Variants in MKI67 observed in about 807,000 individuals in gnomAD.
The protein encoded by MKI67 is marker of proliferation Ki-67, also known as proliferation marker protein Ki-67.
MKI67 carries 152 observed loss-of-function variants against 233.5 expected under a neutral mutation model. The ratio of observed to expected loss-of-function variants is 0.65; its 90% CI spans 0.57 to 0.74. The LOEUF (loss-of-function observed/expected upper bound fraction) is 0.74, where lower values mean the gene tolerates loss of function less well. Among genes scored for constraint, MKI67 ranks in the 30% least tolerant of loss-of-function variants. MKI67 has a pLI of 0.00. For synonymous variants in MKI67, 1,465 were observed against 1,418.5 expected (o/e 1.03, Z -0.74); for missense variants, 3,940 against 3,885.2 (o/e 1.01, Z -0.37).
At position 128,108,460 on chromosome 10, in the gene MKI67, A is replaced by T. The variant is rs2136137285; in HGVS notation, c.3380T>A (p.Ile1127Lys). ...TTCTGGTGGTGGAGATTTGCAGGCT[A>T]TTTTGGTAGTTTTCTCATCAGTCAT... ...ESMTDEKTTK[I>K]ACKSPPPESV... The change falls in exon 13 of 15, where the codon ATA becomes AAA. Residue 1127 changes from isoleucine (I) to lysine (K), a missense_variant. Ile to Lys is a moderately radical substitution (Grantham distance 102). Coordinates refer to ENST00000368654, the MANE Select transcript of MKI67 (RefSeq NM_002417.5). 1.2e-6 allele frequency: 2 copies of T among 1,613,464 alleles called. No homozygotes were observed. Among genetic ancestry groups the T allele is most frequent in the East Asian group, 4.5e-5 (2 of 44,830 alleles).
chr10:128,105,204 A>G lies in MKI67; in HGVS notation c.6636T>C (p.Thr2212=). 4 of 1,613,684 alleles carry G rather than the reference A, an allele frequency of 2.5e-6. No homozygotes were observed. Among genetic ancestry groups the G allele is most frequent in the Non-Finnish European group, 3.4e-6 (4 of 1,179,948 alleles). Residue 2212 remains threonine (T), a synonymous_variant, in exon 13 of 15, where the codon ACT becomes ACC. Coordinates refer to ENST00000368654, the MANE Select transcript of MKI67 (RefSeq NM_002417.5). ...QTPICTDKPT[T]HEKTTKIACR... Reference sequence around the variant, plus strand: ...AGGCTATTTTGGTAGTTTTCTCATGAGTCGTGGGCTTGTCAGTGCATATTG... The same window carrying G: ...AGGCTATTTTGGTAGTTTTCTCATGGGTCGTGGGCTTGTCAGTGCATATTG...
Position 128,106,672 on chromosome 10 carries a change from G to C in MKI67, c.5168C>G (p.Thr1723Ser). Residue 1723 changes from threonine (T) to serine (S), a missense_variant, in exon 13 of 15, where the codon ACT (threonine) becomes AGT (serine). Thr to Ser is a moderately conservative substitution (Grantham distance 58, BLOSUM62 1). Coordinates refer to ENST00000368654, the MANE Select transcript of MKI67 (RefSeq NM_002417.5). ...TTTTTCGTTAGTCATTGATTCCTTA[G>C]TGTGACTTGGTGTCTGGAAGAGCTC... Reference protein sequence around the residue: ...FIELFQTPSHTKESMTNEKTT... With the variant: ...FIELFQTPSHSKESMTNEKTT... 1 of 1,614,172 alleles carries C rather than the reference G, an allele frequency of 6.2e-7. No homozygotes were observed.
intron 2 of MKI67, among the ~76,000 whole-genome samples, chr10:128,124,187 G>A (rs1236088303): frequency 6.6e-6 from 1 of 152,228 alleles, no homozygotes; most frequent in Non-Finnish European, 1.5e-5. Flanking sequence ...CAAGAGAAAG[G>A]TATCTATGGA....
At chr10:128,116,356 T>A (rs116423166) in intron 6 of MKI67, 135 bp downstream of exon 6, 2 of 798,866 alleles carry the variant, frequency 2.5e-6, no homozygotes, top group African/African-American at 1.7e-5. Flanking sequence ...GTCGTTGACA[T>A]GTTAAATGAC....
chr10:128,109,029 T>C lies in MKI67; in HGVS notation c.2811A>G (p.Glu937=). The change falls in exon 13 of 15, where the codon GAA becomes GAG. Residue 937 remains glutamate (E), a synonymous_variant. Transcript: ENST00000368654. ...TCATCTTTTCATCGTTTTCTTTTAATTCAATATTTTCCTTATATGTCTCAA... is the reference window on the plus strand; with the variant it reads ...TCATCTTTTCATCGTTTTCTTTTAACTCAATATTTTCCTTATATGTCTCAA... ...RPFETYKENI[E]LKENDEKMKA... The C allele has an allele frequency of 1.2e-6, 2 of 1,614,192 alleles. No individual in the cohort carries two copies. Among genetic ancestry groups the C allele is most frequent in the Non-Finnish European group, 1.7e-6 (2 of 1,180,014 alleles).
At position 128,104,300 on chromosome 10, in the gene MKI67, C is replaced by T. The variant is rs760900050; in HGVS notation, c.7540G>A (p.Glu2514Lys). The change falls in exon 13 of 15, where the codon GAG becomes AAG. Residue 2514 changes from glutamate (E) to lysine (K), a missense_variant. By Grantham distance (56) the Glu-to-Lys change is moderately conservative. Transcript: ENST00000368654. ...TSGETTQTHT[E>K]PTGDSKSIKA... ...ATGCTCTTACTATCTCCTGTTGGCT[C>T]TGTGTGTGTTTGCGTAGTCTCCCCT... 1 of 1,614,144 alleles carries T rather than the reference C, an allele frequency of 6.2e-7. No individual in the cohort carries two copies. The highest frequency in any genetic ancestry group is 1.7e-5 in the Admixed American group (1 of 60,018).
rs747182722 is a variant in MKI67, at chr10:128,102,943, G to C, written c.8897C>G (p.Pro2966Arg). The stretch of plus-strand genomic sequence containing the variant: ...CACGTCTCCCACGGGTTCTACTTTA[G>C]GGGCCCGAAGAACTCTTCTGGATAT... ...LKISRRVLRA[P>R]KVEPVGDVVS... Residue 2966 changes from proline (P) to arginine (R), a missense_variant, in exon 13 of 15, where the codon CCT becomes CGT. Physicochemically the swap from Pro to Arg is moderately radical, Grantham distance 103 (BLOSUM62 -2). Transcript: ENST00000368654. The C allele has an allele frequency of 6.2e-7, 1 of 1,614,226 alleles. No homozygotes were observed. The highest frequency in any genetic ancestry group is 8.5e-7 in the Non-Finnish European group (1 of 1,180,036).
chr10:128,109,036 T>A lies in MKI67; in HGVS notation c.2804A>T (p.Asn935Ile). 6.2e-7 allele frequency: 1 copy of A among 1,614,164 alleles called. No individual in the cohort carries two copies. The highest frequency in any genetic ancestry group is 8.5e-7 in the Non-Finnish European group (1 of 1,180,016). Residue 935 changes from asparagine (N) to isoleucine (I), a missense_variant, in exon 13 of 15, where the codon AAT becomes ATT. Physicochemically the swap from Asn to Ile is moderately radical, Grantham distance 149. Coordinates refer to ENST00000368654, the MANE Select transcript of MKI67 (RefSeq NM_002417.5). ...TTCATCGTTTTCTTTTAATTCAATA[T>A]TTTCCTTATATGTCTCAAAAGGTCT... ...IERPFETYKE[N>I]IELKENDEKM...
chr10:128,110,349 TCA>T (rs780786305), intron 12 of MKI67, 27 bp downstream of exon 12: 69 of 1,511,070 alleles, frequency 4.6e-5, no homozygotes, highest in Non-Finnish European at 4.4e-5. Flanking sequence ...TCCCAAAACA[TCA>T]CAGTGTTAGG....
Position 128,103,421 on chromosome 10 carries a change from C to G in MKI67, c.8419G>C (p.Ala2807Pro). ...ATTGATTCTTCAGTGTGACCTGCTG[C>G]TGGGTCTTTGAAGCCAGCTAGGTCT... ...IEDLAGFKDP[A>P]AGHTEESMTD... Residue 2807 changes from alanine to proline, a missense_variant, in exon 13 of 15, where the codon GCA becomes CCA. Physicochemically the swap from Ala to Pro is conservative, Grantham distance 27 (BLOSUM62 -1). Coordinates refer to ENST00000368654, the MANE Select transcript of MKI67 (RefSeq NM_002417.5). The G allele has an allele frequency of 6.2e-7, 1 of 1,613,080 alleles. No homozygotes were observed. Among genetic ancestry groups the G allele is most frequent in the Non-Finnish European group, 8.5e-7 (1 of 1,179,800 alleles).
chr10:128,099,745 T>C (rs761727404), intron 14 of MKI67, among the ~76,000 whole-genome samples: 1 of 152,200 alleles, frequency 6.6e-6, no homozygotes. Context: ...GTGAAAAGCA[T>C]GGCTACAAGC....
In MKI67 at chr10:128,104,200, C is replaced by G; in HGVS notation, c.7640G>C (p.Arg2547Thr). Residue 2547 changes from arginine to threonine, a missense_variant, in exon 13 of 15, where the codon AGA (arginine) becomes ACA (threonine). By Grantham distance (71) the Arg-to-Thr change is moderately conservative. Transcript: ENST00000368654. ...ASVTGSRRQLRTRKEKARALE... is the reference protein window; with the variant it reads ...ASVTGSRRQLTTRKEKARALE... ...AGCACGGGCCTTTTCCTTACGAGTT[C>G]TCAGCTGCCTCCTGCTACCAGTTAC... 1 of 1,613,090 alleles carries G rather than the reference C, an allele frequency of 6.2e-7. No individual in the cohort carries two copies. Among genetic ancestry groups the G allele is most frequent in the Non-Finnish European group, 8.5e-7 (1 of 1,179,804 alleles).
rs1469457685 is a variant in MKI67 at position 128,106,772 on chromosome 10, G to T, written c.5068C>A (p.Leu1690Ile). Residue 1690 changes from leucine to isoleucine, a missense_variant, in exon 13 of 15, where the codon CTA (leucine) becomes ATA (isoleucine). Leu to Ile is a conservative substitution (Grantham distance 5, BLOSUM62 2). Coordinates refer to ENST00000368654, the MANE Select transcript of MKI67 (RefSeq NM_002417.5). Reference sequence around the variant, plus strand: ...CTCAGCTGCCTCTTGCTGCCAGTTAGACTTGCTGCTGAGTCTAAGATCTGC... The same window carrying T: ...CTCAGCTGCCTCTTGCTGCCAGTTATACTTGCTGCTGAGTCTAAGATCTGC... ...PKQILDSAAS[L>I]TGSKRQLRTP... 2 of 1,613,582 alleles carry T rather than the reference G, an allele frequency of 1.2e-6. No homozygotes were observed. Among genetic ancestry groups the T allele is most frequent in the African/African-American group, 1.3e-5 (1 of 74,742 alleles).
At position 128,107,632 on chromosome 10, in the gene MKI67, T is replaced by G. The variant is rs3740423; in HGVS notation, c.4208A>C (p.Glu1403Ala). Reference sequence around the variant, plus strand: ...TGTGAGCTTCTTCAGGGCTGAGAGCTCCTTCTGTACGTCCCTTTTCTCCAA... The same window carrying G: ...TGTGAGCTTCTTCAGGGCTGAGAGCGCCTTCTGTACGTCCCTTTTCTCCAA... ...TPLEKRDVQK[E>A]LSALKKLTQT... The change falls in exon 13 of 15, where the codon GAG (glutamate) becomes GCG (alanine). Residue 1403 changes from glutamate (E) to alanine (A), a missense_variant. Coordinates refer to ENST00000368654, the MANE Select transcript of MKI67 (RefSeq NM_002417.5). The G allele has an allele frequency of 6.2e-7, 1 of 1,613,846 alleles. No individual in the cohort carries two copies. Among genetic ancestry groups the G allele is most frequent in the African/African-American group, 1.3e-5 (1 of 74,882 alleles).
chr10:128,099,648 A>C (rs1009278798), intron 14 of MKI67, among the ~76,000 whole-genome samples: 11 of 152,252 alleles, frequency 7.2e-5, no homozygotes, highest in African/African-American at 2.7e-4. Context: ...TGTAGACAGA[A>C]GCATGCCCAA....
chr10:128,112,278 T>C lies in MKI67; in HGVS notation c.1824A>G (p.Lys608=). 1 of 1,614,178 alleles carries C rather than the reference T, an allele frequency of 6.2e-7. No individual in the cohort carries two copies. Among genetic ancestry groups the C allele is most frequent in the Non-Finnish European group, 8.5e-7 (1 of 1,180,036 alleles). ...CTCTCTTAGGAACCTCTGTCTGAGATTTGCTGCTGGAAGCAGGGGCTGTTT... is the reference window on the plus strand; with the variant it reads ...CTCTCTTAGGAACCTCTGTCTGAGACTTGCTGCTGGAAGCAGGGGCTGTTT... ...SCKTAPASSS[K]SQTEVPKRGG... is the part of the protein sequence containing the mutation. Residue 608 remains lysine (K), a synonymous_variant, in exon 9 of 15, where the codon AAA becomes AAG. Coordinates refer to ENST00000368654, the MANE Select transcript of MKI67 (RefSeq NM_002417.5).
At position 128,103,353 on chromosome 10, in the gene MKI67, T is replaced by TTGC; in HGVS notation, c.8486_8487insGCA (p.Pro2829_Glu2830insGln). The TTGC allele has an allele frequency of 6.2e-7, 1 of 1,614,166 alleles. No homozygotes were observed. Among genetic ancestry groups the TTGC allele is most frequent in the African/African-American group, 1.3e-5 (1 of 75,036 alleles). On this transcript the variant is annotated inframe_insertion, in exon 13 of 15. Coordinates refer to ENST00000368654, the MANE Select transcript of MKI67 (RefSeq NM_002417.5). Reference sequence around the variant, plus strand: ...AGCTTGTTGCGGTGTCTTCTAGTTCTGGTGATGATTTGCAGGGTATTTTAG... The same window carrying TTGC: ...AGCTTGTTGCGGTGTCTTCTAGTTCTTGCGGTGATGATTTGCAGGGTATTTTAG...
chr10:128,105,348 T>C lies in MKI67; in HGVS notation c.6492A>G (p.Ala2164=). 1 of 1,614,218 alleles carries C rather than the reference T, an allele frequency of 6.2e-7. No homozygotes were observed. Among genetic ancestry groups the C allele is most frequent in the South Asian group, 1.1e-5 (1 of 91,084 alleles). The change falls in exon 13 of 15, where the codon GCA becomes GCG. Residue 2164 remains alanine, a synonymous_variant. Transcript: ENST00000368654. ...DKGINVFRET[A]KQKLDPAASV... is the part of the protein sequence containing the mutation. ...TTGCTGCTGGGTCCAGTTTCTGTTT[T>C]GCAGTTTCCCTGAACACGTTGATGC...
rs780823234 is a variant in MKI67 at position 128,107,388 on chromosome 10, C to T, written c.4452G>A (p.Thr1484=). The T allele has an allele frequency of 2.4e-5, 38 of 1,613,620 alleles. No individual in the cohort carries two copies. The highest frequency in any genetic ancestry group is 4.5e-5 in the East Asian group (2 of 44,838). Residue 1484 remains threonine (T), a synonymous_variant, in exon 13 of 15, where the codon ACG becomes ACA. Coordinates refer to ENST00000368654, the MANE Select transcript of MKI67 (RefSeq NM_002417.5). The part of the protein sequence containing the change: ...FQTPVCTDKP[T]THEKTTKIAC... The stretch of plus-strand genomic sequence containing the variant: ...CTATTTTGGTAGTTTTCTCGTGAGT[C>T]GTGGGCTTGTCAGTGCATACTGGTG...
Sources: gnomAD v4.1 joint callset for allele counts (sites outside exome capture counted in the v4.1 genomes callset) on GRCh38, gnomAD v4.1.1 for gene constraint, MANE v1.5 for transcripts, NCBI Gene and HGNC (gene_info 2026-07-23, HGNC 2026-07-21) for gene names.